The following ITPR2 variants were observed in gnomAD, a reference collection of about 807,000 sequenced individuals.
ITPR2 encodes the protein inositol 1,4,5-trisphosphate receptor type 2, also known as inositol 1,4,5-trisphosphate-gated calcium channel ITPR2.
ITPR2 carries 207 observed loss-of-function variants against 317.1 expected under a neutral mutation model. The ratio of observed to expected loss-of-function variants is 0.65; its 90% CI spans 0.58 to 0.73. ITPR2 has a LOEUF of 0.73. Among genes scored for constraint, ITPR2 ranks in the 30% least tolerant of loss-of-function variants. The pLI, the probability that ITPR2 is intolerant of heterozygous loss-of-function variation, is 0.00. For missense variants in ITPR2, 2,613 were observed against 3,284.0 expected (o/e 0.80, Z 4.99); for synonymous variants, 1,156 against 1,149.1 (o/e 1.01, Z -0.12).
At chr12:26,443,138 C>A (rs1284402912) in intron 46 of ITPR2, among the ~76,000 whole-genome samples, 1 of 152,104 alleles carries the variant, frequency 6.6e-6, no homozygotes, top group Non-Finnish European at 1.5e-5. Context: ...GTATTAGTTT[C>A]TTTCATGTTT....
intron 10 of ITPR2, among the ~76,000 whole-genome samples, chr12:26,689,425 AAGG>A (rs1276159021): frequency 6.6e-6 from 1 of 151,988 alleles, no homozygotes; most frequent in African/African-American, 2.4e-5. Flanking sequence ...AAAAGATAAA[AAGG>A]AGAAAAGAAA....
chr12:26,634,080 T>C (rs1210292698), intron 21 of ITPR2, among the ~76,000 whole-genome samples: 1 of 152,244 alleles, frequency 6.6e-6, no homozygotes, highest in Non-Finnish European at 1.5e-5. Flanking sequence ...CACTCAGTCA[T>C]ACCACATTCT....
In ITPR2 at chr12:26,487,136, G is replaced by C. The variant is rs1299777247; in HGVS notation, c.5486C>G (p.Thr1829Ser). Reference sequence around the variant, plus strand: ...CCTTTTTTTGTTACCTAAATCTATGGTATTAACTGTCACTGTTGATCTTAT... The same window carrying C: ...CCTTTTTTTGTTACCTAAATCTATGCTATTAACTGTCACTGTTGATCTTAT... Reference protein sequence around the residue: ...KEIRSTVTVNTIDLGNKKRDD... With the variant: ...KEIRSTVTVNSIDLGNKKRDD... The change falls in exon 40 of 57, where the codon ACC becomes AGC. Residue 1829 changes from threonine to serine, a missense_variant. Thr to Ser is a moderately conservative substitution (Grantham distance 58). Around this residue, in one of 9 missense-constraint regions of ITPR2, gnomAD observed 926 missense variants for 1,072.8 expected, o/e 0.86. Coordinates refer to ENST00000381340, the MANE Select transcript of ITPR2 (RefSeq NM_002223.4). 1 of 1,613,098 alleles carries C rather than the reference G, an allele frequency of 6.2e-7. No homozygotes were observed. The highest frequency in any genetic ancestry group is 1.1e-5 in the South Asian group (1 of 91,036).
intron 48 of ITPR2, among the ~76,000 whole-genome samples, chr12:26,433,813 G>A (rs1941281257): frequency 6.6e-6 from 1 of 152,114 alleles, no homozygotes; most frequent in African/African-American, 2.4e-5. Flanking sequence ...GAGGCAGAGG[G>A]ATGGAGAGAA....
chr12:26,447,557 T>C (rs1941638080), intron 45 of ITPR2, among the ~76,000 whole-genome samples: 1 of 151,840 alleles, frequency 6.6e-6, no homozygotes, highest in Non-Finnish European at 1.5e-5. Context: ...TTTGATGACA[T>C]TCAATAATAA....
At chr12:26,470,501 T>C (rs542129008) in intron 45 of ITPR2, among the ~76,000 whole-genome samples, 34 of 152,202 alleles carry the variant, frequency 2.2e-4, no homozygotes, top group Non-Finnish European at 4.0e-4. Context: ...AAGAGATAAA[T>C]ACTTTCTAGT....
rs537475137 is a variant in ITPR2 at position 26,582,589 on chromosome 12, G to T, written c.4381-2434C>A. ...TACAAATCATTTTCTTATCTTCTTA[G>T]TTATTTCCTTCTTGCTCATCTTTTA... On this transcript the variant is annotated intron_variant, in intron 32 of 56. Coordinates refer to ENST00000381340, the MANE Select transcript of ITPR2 (RefSeq NM_002223.4). Among the ~76,000 whole-genome samples the T allele has an allele frequency of 1.7e-4, 26 of 152,062 alleles. No homozygotes were observed. In the South Asian group the frequency reaches 4.2e-3, roughly 24 times the overall value.
intron 13 of ITPR2, among the ~76,000 whole-genome samples, chr12:26,667,097 C>T (rs898826184): frequency 6.6e-6 from 1 of 152,156 alleles, no homozygotes; most frequent in Non-Finnish European, 1.5e-5. Flanking sequence ...CATCTTTATT[C>T]ACTGTTATTA....
chr12:26,486,347 T>C lies in ITPR2; in HGVS notation c.5568A>G (p.Thr1856=), dbSNP rs1942664858. The C allele has an allele frequency of 1.2e-6, 2 of 1,611,992 alleles. No homozygotes were observed. The highest frequency in any genetic ancestry group is 1.7e-5 in the Admixed American group (1 of 59,938). Residue 1856 remains threonine (T), a synonymous_variant, in exon 41 of 57, where the codon ACA becomes ACG. Coordinates refer to ENST00000381340, the MANE Select transcript of ITPR2 (RefSeq NM_002223.4). ...SGPRMRVRDS[T]LHLKEGMKGQ... is the part of the protein sequence containing the mutation. Reference sequence around the variant, plus strand: ...CTTTCATTCCCTCTTTTAAATGTAGTGTTGAATCTCTTACTGAAAACAAAG... The same window carrying C: ...CTTTCATTCCCTCTTTTAAATGTAGCGTTGAATCTCTTACTGAAAACAAAG...
intron 26 of ITPR2, among the ~76,000 whole-genome samples, chr12:26,613,166 C>T (rs12422691): frequency 4.9e-4 from 75 of 152,238 alleles, no homozygotes; most frequent in Admixed American, 4.5e-3. Context: ...ATGAAAACAA[C>T]GGGACTGAAA....
chr12:26,608,207 T>C (rs1156300019), intron 26 of ITPR2, among the ~76,000 whole-genome samples: 1 of 152,246 alleles, frequency 6.6e-6, no homozygotes, highest in East Asian at 1.9e-4. Context: ...TTTAACCTGA[T>C]GTTCTAGTAC....
At chr12:26,763,448 T>C (rs1375669161) in intron 2 of ITPR2, among the ~76,000 whole-genome samples, 2 of 152,150 alleles carry the variant, frequency 1.3e-5, no homozygotes, top group African/African-American at 4.8e-5. Context: ...GAGATGTATA[T>C]TTAATTTAGG....
chr12:26,576,335 C>G (rs1006514143), intron 34 of ITPR2, among the ~76,000 whole-genome samples: 9 of 152,206 alleles, frequency 5.9e-5, no homozygotes, highest in African/African-American at 2.2e-4. Context: ...TGAACACTTT[C>G]TTCTGTGCAT....
chr12:26,567,986 ATATATATATATTATATATAT>A (rs1945038573), intron 34 of ITPR2, among the ~76,000 whole-genome samples: 1 of 16,100 alleles, frequency 6.2e-5, no homozygotes, highest in African/African-American at 1.6e-4. Flanking sequence ...TATTATATAT[ATATATATATATTATATATAT>A]TATATATATA....
At chr12:26,617,676 G>GAGGGAAGGAAGA (rs1455637218) in intron 26 of ITPR2, among the ~76,000 whole-genome samples, 1 of 145,748 alleles carries the variant, frequency 6.9e-6, no homozygotes, top group Non-Finnish European at 1.5e-5. Context: ...GGGAAGGAAG[G>GAGGGAAGGAAGA]AGGGAAGGAA....
intron 55 of ITPR2, among the ~76,000 whole-genome samples, chr12:26,372,483 T>C (rs1273185308): frequency 6.6e-6 from 1 of 152,228 alleles, no homozygotes; most frequent in Non-Finnish European, 1.5e-5. Context: ...ATGAAGATAC[T>C]GAGGTACAGG....
At chr12:26,653,241 C>CTTT (rs774729786) in intron 21 of ITPR2, among the ~76,000 whole-genome samples, 305 of 103,552 alleles carry the variant, frequency 2.9e-3, no homozygotes, top group Non-Finnish European at 3.4e-3. Flanking sequence ...TTGAATCTTT[C>CTTT]TTTTTTTTTT....
chr12:26,553,702 G>A (rs912195636), intron 36 of ITPR2, among the ~76,000 whole-genome samples: 3 of 151,644 alleles, frequency 2.0e-5, no homozygotes, highest in African/African-American at 7.3e-5. Context: ...GGATAATGGC[G>A]TGAACCAGGG....
chr12:26,556,565 T>TG (rs78529155), intron 35 of ITPR2, among the ~76,000 whole-genome samples, 190 bp from the exon 36 acceptor site: 11,335 of 105,020 alleles, frequency 0.11, 515 homozygotes, highest in Non-Finnish European at 0.16. Flanking sequence ...TATTTTTTTT[T>TG]TTGTGTGTGT....
Sources: allele counts gnomAD v4.1 joint callset (sites outside exome capture counted in the v4.1 genomes callset), GRCh38; gene constraint gnomAD v4.1.1; regional missense constraint gnomAD v4.1.1; transcripts MANE v1.5; gene names NCBI Gene and HGNC (gene_info 2026-07-23, HGNC 2026-07-21).